Variants in CYTH3 observed in about 807,000 individuals in gnomAD.
CYTH3 encodes cytohesin-3.
A neutral mutation model predicts 55.1 loss-of-function variants in CYTH3; 23 were observed. The ratio of observed to expected loss-of-function variants is 0.42; its 90% confidence interval spans 0.30 to 0.59. The LOEUF is 0.59. CYTH3 is among the 20% of genes least tolerant of loss of function. The pLI is 0.20. For missense variants in CYTH3, 413 were observed against 524.8 expected, an observed-to-expected ratio of 0.79 and a Z score of 2.08; for synonymous variants, 249 against 194.9, an observed-to-expected ratio of 1.28 and a Z score of -2.31.
chr7:6,164,621 A>C lies in CYTH3; in HGVS notation c.*323T>G. ...AGCTGCTGTCCTGGCTTCTCCCCCTAGGGGCGCCGGGATGGTCGCAGGAAG... is the reference window on the plus strand; with the variant it reads ...AGCTGCTGTCCTGGCTTCTCCCCCTCGGGGCGCCGGGATGGTCGCAGGAAG... On this transcript the variant is annotated 3_prime_UTR_variant, in exon 13 of 13. Coordinates refer to ENST00000350796, the MANE Select transcript of CYTH3 (RefSeq NM_004227.4). The C allele has an allele frequency of 2.6e-6, 1 of 379,322 alleles. No homozygotes were observed. Among genetic ancestry groups the C allele is most frequent in the East Asian group, 5.7e-5 (1 of 17,528 alleles). The allele number at this position is 379,322 out of a possible 1,614,324, so 23.5% of individuals were successfully genotyped here.
chr7:6,226,428 A>G (rs1261848614), intron 1 of CYTH3, among the ~76,000 whole-genome samples: 3 of 152,154 alleles, frequency 2.0e-5, no homozygotes, highest in Admixed American at 6.5e-5. Context: ...TAATGTTTAG[A>G]TGAGGGTGGG....
chr7:6,235,266 A>C (rs1779489967), intron 1 of CYTH3, among the ~76,000 whole-genome samples: 1 of 152,190 alleles, frequency 6.6e-6, no homozygotes, highest in Admixed American at 6.5e-5. Context: ...ATTTGAGGTC[A>C]CGAGTTCAAG....
intron 1 of CYTH3, among the ~76,000 whole-genome samples, chr7:6,233,940 T>A (rs1779453623): frequency 6.6e-6 from 1 of 152,092 alleles, no homozygotes; most frequent in South Asian, 2.1e-4. Flanking sequence ...CCTCACTTGG[T>A]GGAAGGGGCA....
chr7:6,260,860 A>T (rs945665686), intron 1 of CYTH3, among the ~76,000 whole-genome samples: 4 of 152,136 alleles, frequency 2.6e-5, no homozygotes, highest in Admixed American at 2.0e-4. Flanking sequence ...TCTCCTACCC[A>T]AATTAGTCTT....
In CYTH3 at chr7:6,170,765, GCGCTGCGGCCGCT is replaced by G. The variant is rs1783160617; in HGVS notation, c.711+52_711+64del. On this transcript the variant is annotated intron_variant, in intron 8 of 12. Coordinates refer to ENST00000350796, the MANE Select transcript of CYTH3 (RefSeq NM_004227.4). The surrounding 1 kb of genome is among the most constrained non-coding windows in gnomAD (Gnocchi z 7.8). Reference sequence around the variant, plus strand: ...TTGGGAGGCGTGTCTAGAGCCGCGGGCGCTGCGGCCGCTCACAGCGAAGAGATCCTGCAGACGG... The same window carrying G: ...TTGGGAGGCGTGTCTAGAGCCGCGGGCACAGCGAAGAGATCCTGCAGACGG... 1.8e-5 allele frequency: 29 copies of G among 1,572,128 alleles called. No individual in the cohort carries two copies. The South Asian group carries it at 3.3e-4, about 18-fold the overall frequency.
intron 2 of CYTH3, among the ~76,000 whole-genome samples, chr7:6,189,193 G>A (rs1210288689): frequency 3.3e-5 from 5 of 152,282 alleles, no homozygotes; most frequent in East Asian, 1.9e-4. Flanking sequence ...CTCCCACGCC[G>A]AGACGGTGGC....
At chr7:6,193,644 T>C (rs1174518824) in intron 1 of CYTH3, among the ~76,000 whole-genome samples, 1 of 152,156 alleles carries the variant, frequency 6.6e-6, no homozygotes, top group Non-Finnish European at 1.5e-5. Flanking sequence ...ACTACGTAAC[T>C]CTGGAGGGGG....
chr7:6,189,147 C>T (rs948664792), intron 2 of CYTH3, among the ~76,000 whole-genome samples: 23 of 152,242 alleles, frequency 1.5e-4, no homozygotes, highest in Admixed American at 3.9e-4. Flanking sequence ...GAGCCAGGGC[C>T]GGCCCTCTGA....
chr7:6,251,600 C>T (rs180803685), intron 1 of CYTH3, among the ~76,000 whole-genome samples: 29 of 152,302 alleles, frequency 1.9e-4, no homozygotes, highest in Non-Finnish European at 3.5e-4. Context: ...TCATATATTA[C>T]ATCCACTGAA....
chr7:6,191,440 A>T (rs575678540), intron 1 of CYTH3, among the ~76,000 whole-genome samples: 3 of 152,324 alleles, frequency 2.0e-5, no homozygotes, highest in African/African-American at 7.2e-5. Context: ...ATTTATATGG[A>T]AAAAATAAAA....
chr7:6,255,998 C>T lies in CYTH3; in HGVS notation c.34+16476G>A, dbSNP rs568214595. Among the ~76,000 whole-genome samples, 426 of 152,096 alleles carry T rather than the reference C, an allele frequency of 2.8e-3. 3 individuals are homozygous for T. The highest frequency in any genetic ancestry group is 0.01 in the Middle Eastern group (3 of 294). ...CAGGATGGTCTCGATCTCCTGACCTCGTGATCCACCCACCTCGGCCTCCCA... is the reference window on the plus strand; with the variant it reads ...CAGGATGGTCTCGATCTCCTGACCTTGTGATCCACCCACCTCGGCCTCCCA... On this transcript the variant is annotated intron_variant, in intron 1 of 12. Transcript: ENST00000350796.
At position 6,272,541 on chromosome 7, in the gene CYTH3, G is replaced by A. The variant is rs901019719; in HGVS notation, c.-34C>T. On this transcript the variant is annotated 5_prime_UTR_variant, in exon 1 of 13. Transcript: ENST00000350796. ...CACTCCCGCAGCCGGCGAGCCGGGG[G>A]CCGGCAGCAGAGGGGCCGCGGGCTG... The A allele has an allele frequency of 8.6e-5, 112 of 1,300,974 alleles. No individual in the cohort carries two copies. Among genetic ancestry groups the A allele is most frequent in the Non-Finnish European group, 1.1e-4 (109 of 1,012,554 alleles). 80.6% of individuals were successfully genotyped at this position (1,300,974 alleles called of 1,614,324 possible). A position where few individuals can be genotyped will look rare whatever the true frequency, so the allele number is the denominator to read the frequency against.
intron 1 of CYTH3, among the ~76,000 whole-genome samples, chr7:6,211,034 A>C (rs1784308631): frequency 6.6e-6 from 1 of 152,246 alleles, no homozygotes; most frequent in Non-Finnish European, 1.5e-5. Context: ...AAATCAAATC[A>C]TGTCTCTTCC....
chr7:6,197,274 A>G (rs1365925082), intron 1 of CYTH3, among the ~76,000 whole-genome samples: 1 of 152,188 alleles, frequency 6.6e-6, no homozygotes, highest in Non-Finnish European at 1.5e-5. Context: ...AATTTTGTAC[A>G]GTGGGACAAA....
chr7:6,268,169 ATTTTG>A, intron 1 of CYTH3, among the ~76,000 whole-genome samples: 1 of 151,826 alleles, frequency 6.6e-6, no homozygotes, highest in East Asian at 1.9e-4. Context: ...TGCTCTTGTA[ATTTTG>A]TTTTGTTTTT....
chr7:6,197,938 A>G (rs1446757304), intron 1 of CYTH3, among the ~76,000 whole-genome samples: 1 of 152,062 alleles, frequency 6.6e-6, no homozygotes, highest in African/African-American at 2.4e-5. Context: ...CAAAAAACAG[A>G]AAAGAAATTA....
chr7:6,249,146 T>C (rs1037188263), intron 1 of CYTH3, among the ~76,000 whole-genome samples: 4 of 152,308 alleles, frequency 2.6e-5, no homozygotes, highest in East Asian at 1.9e-4. Flanking sequence ...GTAGGTAACT[T>C]TTCTCACTCG....
At chr7:6,196,395 T>C (rs1222070785) in intron 1 of CYTH3, among the ~76,000 whole-genome samples, 1 of 151,788 alleles carries the variant, frequency 6.6e-6, no homozygotes, top group African/African-American at 2.4e-5. Context: ...AAGCAGGCAG[T>C]TCTCAAATCT....
chr7:6,199,383 T>A (rs988277410), intron 1 of CYTH3, among the ~76,000 whole-genome samples: 2 of 152,160 alleles, frequency 1.3e-5, no homozygotes, highest in African/African-American at 4.8e-5. Flanking sequence ...GGCACAGTGG[T>A]TATGTGCCTG....
Sources: allele counts gnomAD v4.1 joint callset (sites outside exome capture counted in the v4.1 genomes callset), GRCh38; gene constraint gnomAD v4.1.1; non-coding constraint Gnocchi (gnomAD v3.1); transcripts MANE v1.5; gene names NCBI Gene and HGNC (gene_info 2026-07-23, HGNC 2026-07-21).